Variants in METTL9 observed in about 807,000 individuals in gnomAD.
The protein encoded by METTL9 is methyltransferase 9, His-X-His N1(pi)-histidine, also known as protein-L-histidine N-pros-methyltransferase.
METTL9 carries 10 observed loss-of-function variants against 36.0 expected under a neutral mutation model. The observed-to-expected ratio is 0.28, with a 90% CI of 0.17 to 0.47. METTL9 has a LOEUF of 0.47. METTL9 is among the 20% of genes least tolerant of loss of function. The probability of loss-of-function intolerance (pLI) is 0.99; values close to 1 mark genes in which losing one functional copy is unlikely to be tolerated. For missense variants in METTL9, 246 were observed against 383.5 expected (o/e 0.64, Z 3.00); for synonymous variants, 175 against 149.7 (o/e 1.17, Z -1.23).
intron 4 of METTL9, among the ~76,000 whole-genome samples, chr16:21,631,693 CCTG>C (rs1323676127): frequency 3.3e-5 from 5 of 152,146 alleles, no homozygotes; most frequent in African/African-American, 1.2e-4. Context: ...TGTTAGGAAA[CCTG>C]CTGGGTTAAG....
chr16:21,609,906 C>A (rs946392548), intron 1 of METTL9, among the ~76,000 whole-genome samples: 1 of 152,000 alleles, frequency 6.6e-6, no homozygotes, highest in Admixed American at 6.6e-5. Context: ...TGTTTTCAGG[C>A]CACTTTTAAT....
intron 4 of METTL9, chr16:21,647,622 A>G: frequency 8.5e-7 from 1 of 1,180,852 alleles, no homozygotes; most frequent in Non-Finnish European, 1.2e-6. Flanking sequence ...AAATAAGACT[A>G]AAAATAAACA....
chr16:21,607,946 C>G (rs1965331914), intron 1 of METTL9, among the ~76,000 whole-genome samples: 1 of 152,132 alleles, frequency 6.6e-6, no homozygotes, highest in Non-Finnish European at 1.5e-5. Context: ...GTCAGGAGAT[C>G]AAGACCAGCC....
chr16:21,639,690 C>T (rs1966196737), intron 4 of METTL9: 1 of 152,192 alleles, frequency 6.6e-6, no homozygotes, highest in Non-Finnish European at 1.5e-5. Context: ...TGTGGCCCCA[C>T]ACATATACAC....
chr16:21,619,521 G>C, intron 3 of METTL9, among the ~76,000 whole-genome samples: 1 of 151,596 alleles, frequency 6.6e-6, no homozygotes, highest in Middle Eastern at 3.4e-3. Context: ...CCTGGATTCA[G>C]GCAATTCTAC....
chr16:21,648,356 AGTTAGTGTGAC>A (rs1264296261), intron 4 of METTL9, among the ~76,000 whole-genome samples: 1 of 152,190 alleles, frequency 6.6e-6, no homozygotes, highest in Non-Finnish European at 1.5e-5. Flanking sequence ...GACCTCATGC[AGTTAGTGTGAC>A]GTTCAAGATG....
intron 4 of METTL9, chr16:21,627,308 C>T: frequency 1.0e-6 from 1 of 984,362 alleles, no homozygotes; most frequent in Non-Finnish European, 1.2e-6. Flanking sequence ...TTTTTTTTAA[C>T]TAAAAGTAGT....
At position 21,652,547 on chromosome 16, in the gene METTL9, T is replaced by C; in HGVS notation, c.752-2680T>C. On this transcript the variant is annotated intron_variant, in intron 4 of 4. Coordinates refer to ENST00000358154, the MANE Select transcript of METTL9 (RefSeq NM_016025.5). The stretch of plus-strand genomic sequence containing the variant: ...AGAACCTTACCGACACAAAATAGAA[T>C]GAGATTGGTTTGCAGATGGCGAGCG... 3.1e-6 allele frequency: 5 copies of C among 1,609,816 alleles called. No individual in the cohort carries two copies. In the East Asian group the frequency reaches 8.9e-5, roughly 29 times the overall value.
At chr16:21,606,783 T>A (rs749651523) in intron 1 of METTL9, among the ~76,000 whole-genome samples, 5 of 152,190 alleles carry the variant, frequency 3.3e-5, no homozygotes, top group African/African-American at 1.2e-4. Flanking sequence ...AGATCAAATA[T>A]GTATTTTTTA....
At position 21,599,648 on chromosome 16, in the gene METTL9, G is replaced by T; in HGVS notation, c.-86G>T. 1 of 1,344,798 alleles carries T rather than the reference G, an allele frequency of 7.4e-7. No individual in the cohort carries two copies. The allele number at this position is 1,344,798 out of a possible 1,614,324, so 83.3% of individuals were successfully genotyped here. Reference sequence around the variant, plus strand: ...CGGCCGCGATGGCTCGAGCTCGGGCGGTGGCGGCGGTGGCCGGAGGCGGCG... The same window carrying T: ...CGGCCGCGATGGCTCGAGCTCGGGCTGTGGCGGCGGTGGCCGGAGGCGGCG... On this transcript the variant is annotated 5_prime_UTR_variant, in exon 1 of 5. Coordinates refer to ENST00000358154, the MANE Select transcript of METTL9 (RefSeq NM_016025.5). The surrounding 1 kb of genome is among the most constrained non-coding windows in gnomAD (Gnocchi z 4.4).
intron 1 of METTL9, among the ~76,000 whole-genome samples, chr16:21,602,797 A>T (rs1161682829): frequency 6.6e-6 from 1 of 151,958 alleles, no homozygotes; most frequent in East Asian, 1.9e-4. Flanking sequence ...AGCTGGGATT[A>T]CAGGTGAACA....
intron 4 of METTL9, among the ~76,000 whole-genome samples, chr16:21,632,303 G>C (rs1246941149): frequency 6.6e-6 from 1 of 152,178 alleles, no homozygotes; most frequent in Non-Finnish European, 1.5e-5. Context: ...CCAGTTCTAA[G>C]GCTCAGGTAA....
intron 3 of METTL9, among the ~76,000 whole-genome samples, chr16:21,619,427 C>T (rs1965636593): frequency 6.9e-6 from 1 of 144,974 alleles, no homozygotes; most frequent in African/African-American, 2.5e-5. Context: ...GAAGAAGGGC[C>T]TTTTTTTTTT....
chr16:21,597,240 C>A, upstream of METTL9: 1 of 1,287,278 alleles, frequency 7.8e-7, no homozygotes, highest in Non-Finnish European at 1.0e-6. Context: ...TGAGAAGAGA[C>A]AGCAAAGCTT....
At position 21,655,435 on chromosome 16, in the gene METTL9, A is replaced by G. The variant is rs775177681; in HGVS notation, c.*3A>G. ...TCTTTGTTCTCAAACCAGTATAAAC[A>G]CGTGGAGGTCGAAGTCTTCAGAGTC... On this transcript the variant is annotated 3_prime_UTR_variant, in exon 5 of 5. Coordinates refer to ENST00000358154, the MANE Select transcript of METTL9 (RefSeq NM_016025.5). The G allele has an allele frequency of 1.3e-5, 21 of 1,612,468 alleles. No individual in the cohort carries two copies. Among genetic ancestry groups the G allele is most frequent in the Non-Finnish European group, 4.2e-6 (5 of 1,178,870 alleles).
At chr16:21,600,285 G>A (rs775458685) in intron 1 of METTL9, among the ~76,000 whole-genome samples, 2 of 152,198 alleles carry the variant, frequency 1.3e-5, no homozygotes, top group Non-Finnish European at 2.9e-5. Context: ...AGACTGAAGA[G>A]ACCCGGCCAG....
chr16:21,641,951 G>A (rs1175987061), intron 4 of METTL9: 1 of 168,634 alleles, frequency 5.9e-6, no homozygotes, highest in East Asian at 1.7e-4. Context: ...TTAGTAATTA[G>A]ACCACCTATC....
intron 1 of METTL9, among the ~76,000 whole-genome samples, chr16:21,607,671 A>C (rs1250889124): frequency 1.3e-5 from 2 of 152,238 alleles, no homozygotes; most frequent in Admixed American, 1.3e-4. Flanking sequence ...ACAACATTTG[A>C]GTGAGCTTTA....
chr16:21,637,360 G>C (rs1016539102), intron 4 of METTL9, among the ~76,000 whole-genome samples: 2 of 152,008 alleles, frequency 1.3e-5, no homozygotes, highest in African/African-American at 4.8e-5. Context: ...TCTGCTACCC[G>C]GCTAGCTAGA....
Sources: allele counts gnomAD v4.1 joint callset (sites outside exome capture counted in the v4.1 genomes callset), GRCh38; gene constraint gnomAD v4.1.1; non-coding constraint Gnocchi (gnomAD v3.1); transcripts MANE v1.5; gene names NCBI Gene and HGNC (gene_info 2026-07-23, HGNC 2026-07-21).